The following THSD4 variants were observed in gnomAD, a reference collection of about 807,000 sequenced individuals.
THSD4 encodes the protein thrombospondin type-1 domain-containing protein 4.
A neutral mutation model predicts 119.0 loss-of-function variants in THSD4; 69 were observed. The ratio of observed to expected loss-of-function variants is 0.58; its 90% CI spans 0.48 to 0.71. THSD4 has a LOEUF of 0.71. Ranked by LOEUF, THSD4 falls within the 30% of genes least tolerant of loss-of-function variation. The probability of loss-of-function intolerance (pLI) is 0.00; values close to 1 mark genes in which losing one functional copy is unlikely to be tolerated. For missense variants in THSD4, 1,393 were observed against 1,391.1 expected (o/e 1.00, Z -0.02); for synonymous variants, 524 against 540.4 (o/e 0.97, Z 0.42).
chr15:71,417,680 A>G lies in THSD4; in HGVS notation c.1152+5857A>G, dbSNP rs2046774538. Among the ~76,000 whole-genome samples the G allele has an allele frequency of 1.9e-5, 2 of 108,006 alleles. 1 individual carries two copies. Among genetic ancestry groups the G allele is most frequent in the Non-Finnish European group, 4.1e-5 (2 of 49,202 alleles). 70.9% of individuals were successfully genotyped at this position (108,006 alleles called of 152,430 possible). On this transcript the variant is annotated intron_variant, in intron 7 of 17. Coordinates refer to ENST00000261862, the MANE Select transcript of THSD4 (RefSeq NM_024817.3). ...TGAAATCAAGTAATGTAATTCCTCC[A>G]GTTTTCTTCCTTTTGCTCAGGATTG...
At chr15:71,564,529 A>G (rs1595888669) in intron 7 of THSD4, among the ~76,000 whole-genome samples, 1 of 150,756 alleles carries the variant, frequency 6.6e-6, no homozygotes, top group South Asian at 2.1e-4. Context: ...AGTCTGTAGA[A>G]GTTCAGATTC....
intron 7 of THSD4, among the ~76,000 whole-genome samples, chr15:71,579,831 A>G (rs1318000641): frequency 6.6e-6 from 1 of 152,132 alleles, no homozygotes; most frequent in African/African-American, 2.4e-5. Context: ...GCCCAACTCT[A>G]TGTATATTAG....
chr15:71,454,343 CT>C (rs1402791419), intron 7 of THSD4, among the ~76,000 whole-genome samples: 1 of 152,160 alleles, frequency 6.6e-6, no homozygotes, highest in Non-Finnish European at 1.5e-5. Context: ...GGTAATAAAC[CT>C]TAATACTTAA....
intron 1 of THSD4, among the ~76,000 whole-genome samples, chr15:71,120,344 T>G (rs974313840): frequency 7.2e-5 from 11 of 152,232 alleles, no homozygotes; most frequent in African/African-American, 2.7e-4. Context: ...TCTGTTGACC[T>G]CTTTTCCTGT....
Position 71,397,824 on chromosome 15 carries a change from G to A in THSD4, c.1016-13863G>A, listed in dbSNP as rs148162029. 2.7e-4 allele frequency among the ~76,000 whole-genome samples: 41 copies of A among 152,294 alleles called. No individual in the cohort carries two copies. The East Asian group carries it at 7.5e-3, about 28-fold the overall frequency. On this transcript the variant is annotated intron_variant, in intron 6 of 17. Transcript: ENST00000261862. Reference sequence around the variant, plus strand: ...ATCTGTAAAATGGGATAGTAATAGTGTCTACTTCTCTAAGAGTGATATGAA... The same window carrying A: ...ATCTGTAAAATGGGATAGTAATAGTATCTACTTCTCTAAGAGTGATATGAA...
At chr15:71,256,448 C>A (rs2044317198) in intron 5 of THSD4, among the ~76,000 whole-genome samples, 165 bp from the exon 6 acceptor site, 1 of 148,610 alleles carries the variant, frequency 6.7e-6, no homozygotes, top group South Asian at 2.1e-4. Context: ...GCACTCCAGC[C>A]TGGGCGACAA....
chr15:71,552,745 C>T (rs1178454884), intron 7 of THSD4, among the ~76,000 whole-genome samples: 1 of 152,196 alleles, frequency 6.6e-6, no homozygotes, highest in East Asian at 1.9e-4. Context: ...CTCCCAGGTT[C>T]AAGAGATTCT....
intron 6 of THSD4, among the ~76,000 whole-genome samples, chr15:71,275,130 G>C (rs1382884622): frequency 6.6e-6 from 1 of 151,992 alleles, no homozygotes; most frequent in Non-Finnish European, 1.5e-5. Context: ...GGGTAGGATG[G>C]TCTGCCCTGG....
intron 6 of THSD4, among the ~76,000 whole-genome samples, chr15:71,393,235 C>A (rs189607704): frequency 6.6e-6 from 1 of 151,846 alleles, no homozygotes; most frequent in Non-Finnish European, 1.5e-5. Context: ...CTTTTTCTCT[C>A]GGTGGTTGTG....
chr15:71,348,987 A>T (rs1001056699), intron 6 of THSD4, among the ~76,000 whole-genome samples: 2 of 152,236 alleles, frequency 1.3e-5, no homozygotes, highest in African/African-American at 4.8e-5. Context: ...ATAGTAATCC[A>T]TTCTGTATTT....
At chr15:71,630,565 G>C (rs1044676128) in intron 7 of THSD4, among the ~76,000 whole-genome samples, 1 of 152,180 alleles carries the variant, frequency 6.6e-6, no homozygotes, top group African/African-American at 2.4e-5. Flanking sequence ...GACAGAGAAA[G>C]GTTTTTCCCC....
At chr15:71,583,952 C>G (rs1338762179) in intron 7 of THSD4, among the ~76,000 whole-genome samples, 1 of 152,068 alleles carries the variant, frequency 6.6e-6, no homozygotes, top group Non-Finnish European at 1.5e-5. Flanking sequence ...TCCACTGTTC[C>G]TTATGGATTT....
intron 1 of THSD4, among the ~76,000 whole-genome samples, chr15:71,124,675 A>G (rs2040437777): frequency 6.6e-6 from 1 of 152,192 alleles, no homozygotes; most frequent in African/African-American, 2.4e-5. Flanking sequence ...AAAATTTTAA[A>G]TCATATTATT....
chr15:71,617,665 G>A (rs1001708243), intron 7 of THSD4, among the ~76,000 whole-genome samples: 1 of 152,222 alleles, frequency 6.6e-6, no homozygotes, highest in African/African-American at 2.4e-5. Flanking sequence ...TAAAAATACA[G>A]ATGTTATTAC....
chr15:71,664,000 C>G (rs78389505), intron 8 of THSD4, among the ~76,000 whole-genome samples: 1 of 149,480 alleles, frequency 6.7e-6, no homozygotes, highest in African/African-American at 2.5e-5. Context: ...TTTTTTTTTC[C>G]GAGACAGAGT....
chr15:71,481,175 A>T (rs11636588), intron 7 of THSD4, among the ~76,000 whole-genome samples: 7 of 152,092 alleles, frequency 4.6e-5, no homozygotes, highest in African/African-American at 1.7e-4. Context: ...AAAAATTCTC[A>T]CATTAAATGT....
At chr15:71,336,082 A>C (rs547641330) in intron 6 of THSD4, among the ~76,000 whole-genome samples, 55 of 152,312 alleles carry the variant, frequency 3.6e-4, no homozygotes, top group African/African-American at 1.3e-3. Context: ...AGAGGAAATA[A>C]AGTGATGGAG....
intron 6 of THSD4, among the ~76,000 whole-genome samples, chr15:71,352,141 T>C (rs1005025761): frequency 2.0e-5 from 3 of 152,246 alleles, no homozygotes; most frequent in African/African-American, 7.2e-5. Context: ...TCAGAGTTGA[T>C]GCTTTCCTGT....
At chr15:71,584,818 G>T (rs2049632846) in intron 7 of THSD4, among the ~76,000 whole-genome samples, 1 of 151,806 alleles carries the variant, frequency 6.6e-6, no homozygotes, top group South Asian at 2.1e-4. Context: ...ACAATTTTTT[G>T]AGGTAGTAGG....
Sources: allele counts gnomAD v4.1 joint callset (sites outside exome capture counted in the v4.1 genomes callset), GRCh38; gene constraint gnomAD v4.1.1; transcripts MANE v1.5; gene names NCBI Gene and HGNC (gene_info 2026-07-23, HGNC 2026-07-21).